SART3: variants seen among roughly 807,000 people sequenced by gnomAD.
SART3 encodes HIV-1 Tat-interacting protein of 110kDa.
In SART3, 44 loss-of-function variants were observed where a neutral mutation model predicts 122.3. That is an observed-to-expected ratio of 0.36 (90% confidence interval 0.28 to 0.46). The LOEUF (loss-of-function observed/expected upper bound fraction) is 0.46, where lower values mean the gene tolerates loss of function less well. Among genes scored for constraint, SART3 ranks in the 20% least tolerant of loss-of-function variants. The pLI, the probability that SART3 is intolerant of heterozygous loss-of-function variation, is 1.00. For missense variants in SART3, 1,101 were observed against 1,229.0 expected (o/e 0.90, Z 1.56); for synonymous variants, 442 against 454.0 (o/e 0.97, Z 0.34).
At chr12:108,537,370 C>G (rs1045819579) in intron 9 of SART3, 118 bp downstream of exon 9, 3 of 759,960 alleles carry the variant, frequency 3.9e-6, no homozygotes, top group African/African-American at 3.4e-5. Context: ...AAAAAGTCAC[C>G]AATACCTAGT....
intron 17 of SART3, chr12:108,524,867 G>C (rs1385494505): frequency 2.7e-6 from 1 of 365,912 alleles, no homozygotes; most frequent in African/African-American, 2.1e-5. Context: ...CAGGTGCCCA[G>C]GTGAGCCCTC....
chr12:108,537,568 C>T lies in SART3; in HGVS notation c.1229G>A (p.Gly410Asp), dbSNP rs1872971742. Residue 410 changes from glycine to aspartate, a missense_variant, in exon 9 of 19, where the codon GGC becomes GAC. Gly to Asp is a moderately conservative substitution (Grantham distance 94). This residue lies in a region of SART3 where 885 missense variants were observed against 1,080.1 expected (regional missense o/e 0.82). Coordinates refer to ENST00000546815, the MANE Select transcript of SART3 (RefSeq NM_014706.4). ...SVTFEKALNA[G>D]FIQATDYVEI... ...CACATAATCAGTGGCCTGGATGAAG[C>T]CGGCATTCAAAGCTTTCTCGAAGGT... is the stretch of plus-strand genomic sequence containing the variant. The T allele has an allele frequency of 6.2e-7, 1 of 1,613,930 alleles. No homozygotes were observed. Among genetic ancestry groups the T allele is most frequent in the Admixed American group, 1.7e-5 (1 of 59,992 alleles).
chr12:108,541,681 G>A (rs1873168278), intron 6 of SART3, among the ~76,000 whole-genome samples: 1 of 151,858 alleles, frequency 6.6e-6, no homozygotes, highest in Non-Finnish European at 1.5e-5. Flanking sequence ...TGGGATTACA[G>A]GCGCCCGCCA....
chr12:108,547,114 C>T (rs1253939217), intron 3 of SART3, among the ~76,000 whole-genome samples: 6 of 152,218 alleles, frequency 3.9e-5, no homozygotes. Context: ...GCCACCACAC[C>T]CAGCCTTAAA....
At chr12:108,537,449 C>T (rs541741024) in intron 9 of SART3, 39 bp downstream of exon 9, 3 of 1,505,270 alleles carry the variant, frequency 2.0e-6, no homozygotes, top group East Asian at 2.3e-5. Context: ...GTATTAAGAA[C>T]ATGTTCAGCT....
At position 108,532,275 on chromosome 12, in the gene SART3, C is replaced by G. The variant is rs912728618; in HGVS notation, c.1616G>C (p.Ser539Thr). The change falls in exon 13 of 19, where the codon AGT becomes ACT. Residue 539 changes from serine (S) to threonine (T), a missense_variant. This residue lies in a region of SART3 where 885 missense variants were observed against 1,080.1 expected (regional missense o/e 0.82). Coordinates refer to ENST00000546815, the MANE Select transcript of SART3 (RefSeq NM_014706.4). ...KALHRAVQCT[S>T]DYPEHVCEVL... ...TTCGCAGACGTGCTCTGGGTAGTCACTGGTGCACTGGACGGCCCGGTGCAG... is the reference window on the plus strand; with the variant it reads ...TTCGCAGACGTGCTCTGGGTAGTCAGTGGTGCACTGGACGGCCCGGTGCAG... The G allele has an allele frequency of 1.7e-5, 28 of 1,614,098 alleles. No individual in the cohort carries two copies. The highest frequency in any genetic ancestry group is 2.4e-5 in the Non-Finnish European group (28 of 1,180,036).
At chr12:108,551,429 TACTAGAC>T (rs2030005837) in intron 1 of SART3, among the ~76,000 whole-genome samples, 1 of 152,108 alleles carries the variant, frequency 6.6e-6, no homozygotes, top group Admixed American at 6.5e-5. Context: ...CTGATAAAAC[TACTAGAC>T]ACTTGAATAT....
chr12:108,525,654 G>C, intron 16 of SART3, 45 bp from the exon 17 acceptor site: 3 of 1,601,636 alleles, frequency 1.9e-6, no homozygotes, highest in Non-Finnish European at 2.6e-6. Context: ...TTCGAGGCAT[G>C]ACCCAGCTCA....
intron 1 of SART3, among the ~76,000 whole-genome samples, chr12:108,557,409 AT>A (rs893135651): frequency 1.3e-5 from 2 of 152,072 alleles, no homozygotes; most frequent in Non-Finnish European, 2.9e-5. Flanking sequence ...CTGCTAACTG[AT>A]TTAACTCCCT....
chr12:108,525,595 G>A lies in SART3; in HGVS notation c.2385C>T (p.Ser795=). 1 of 1,614,106 alleles carries A rather than the reference G, an allele frequency of 6.2e-7. No individual in the cohort carries two copies. The highest frequency in any genetic ancestry group is 2.2e-5 in the East Asian group (1 of 44,876). Residue 795 remains serine, a synonymous_variant, in exon 17 of 19, where the codon AGC becomes AGT. Transcript: ENST00000546815. ...ACAGCTTGTGTTTCTCTAGGGAAGT[G>A]CTGTACCTGAACACCTATAGGAAGA... ...KNPDFKVFRY[S]TSLEKHKLFI... is the part of the protein sequence containing the mutation.
intron 18 of SART3, chr12:108,524,096 T>C: frequency 1.7e-6 from 1 of 598,954 alleles, no homozygotes. Flanking sequence ...AAATGACAAG[T>C]GTAAATTGGC....
intron 17 of SART3, 84 bp downstream of exon 17, chr12:108,525,373 A>T: frequency 6.9e-7 from 1 of 1,443,950 alleles, no homozygotes; most frequent in Non-Finnish European, 9.7e-7. Flanking sequence ...AACCCATTCT[A>T]GAGGTTAAAT....
intron 12 of SART3, among the ~76,000 whole-genome samples, chr12:108,534,693 G>C (rs1872830362): frequency 6.6e-6 from 1 of 152,018 alleles, no homozygotes; most frequent in Non-Finnish European, 1.5e-5. Context: ...AAAAAGAAAA[G>C]AAACTGTCGC....
intron 4 of SART3, chr12:108,544,936 C>G: frequency 1.6e-6 from 1 of 644,494 alleles, no homozygotes; most frequent in South Asian, 1.8e-5. Flanking sequence ...TTTATACGAC[C>G]TCTTCCATAC....
chr12:108,536,753 C>T lies in SART3; in HGVS notation c.1342G>A (p.Ala448Thr), dbSNP rs200546168. The T allele has an allele frequency of 8.7e-6, 14 of 1,613,882 alleles. No individual in the cohort carries two copies. The East Asian group carries it at 1.1e-4, about 13-fold the overall frequency. Reference protein sequence around the residue: ...SSKELEELRAAFTRALEYLKQ... With the variant: ...SSKELEELRATFTRALEYLKQ... ...AGATACTCCAAGGCACGAGTAAAGG[C>T]GGCCCTCAACTCCTCCAGCTCTTTA... is the stretch of plus-strand genomic sequence containing the variant. The change falls in exon 10 of 19, where the codon GCC becomes ACC. Residue 448 changes from alanine (A) to threonine (T), a missense_variant. Ala to Thr is a moderately conservative substitution (Grantham distance 58). Around this residue, in one of 2 missense-constraint regions of SART3, gnomAD observed 885 missense variants for 1,080.1 expected, o/e 0.82. Coordinates refer to ENST00000546815, the MANE Select transcript of SART3 (RefSeq NM_014706.4).
At chr12:108,523,853 A>C (rs959113583) in intron 18 of SART3, 5 of 614,666 alleles carry the variant, frequency 8.1e-6, no homozygotes, top group Non-Finnish European at 1.4e-5. Context: ...AACCCTGAGC[A>C]CCAGTCACAC....
At chr12:108,546,408 C>G (rs1169045840) in intron 3 of SART3, among the ~76,000 whole-genome samples, 1 of 152,030 alleles carries the variant, frequency 6.6e-6, no homozygotes, top group Non-Finnish European at 1.5e-5. Context: ...ACCGTGATAG[C>G]CAGGATGGTC....
At chr12:108,537,653 T>G in intron 8 of SART3, 58 bp from the exon 9 acceptor site, 6 of 1,253,868 alleles carry the variant, frequency 4.8e-6, no homozygotes, top group Non-Finnish European at 7.0e-6. Flanking sequence ...TAATAGAAAG[T>G]CACTACATTC....
At chr12:108,527,990 CCT>C (rs1311075495) in intron 15 of SART3, among the ~76,000 whole-genome samples, 1 of 151,994 alleles carries the variant, frequency 6.6e-6, no homozygotes, top group African/African-American at 2.4e-5. Context: ...GATCTTGACC[CCT>C]GACCTCAGGT....
Sources: allele counts gnomAD v4.1 joint callset (sites outside exome capture counted in the v4.1 genomes callset), GRCh38; gene constraint gnomAD v4.1.1; regional missense constraint gnomAD v4.1.1; transcripts MANE v1.5; gene names NCBI Gene and HGNC (gene_info 2026-07-23, HGNC 2026-07-21).